ZBTB43: variants seen among roughly 807,000 people sequenced by gnomAD.
The protein encoded by ZBTB43 is zinc finger and BTB domain-containing protein 43.
A neutral mutation model predicts 31.1 loss-of-function variants in ZBTB43; 6 were observed. The observed-to-expected ratio is 0.19, with a 90% CI of 0.11 to 0.38. The LOEUF (loss-of-function observed/expected upper bound fraction) is 0.38, where lower values mean the gene tolerates loss of function less well. ZBTB43 is among the 10% of genes least tolerant of loss of function. The probability of loss-of-function intolerance (pLI) is 1.00; values close to 1 mark genes in which losing one functional copy is unlikely to be tolerated. For missense variants in ZBTB43, 379 were observed against 602.1 expected, an observed-to-expected ratio of 0.63 and a Z score of 3.88; for synonymous variants, 212 against 221.7, an observed-to-expected ratio of 0.96 and a Z score of 0.39.
intron 2 of ZBTB43, among the ~76,000 whole-genome samples, chr9:126,823,055 C>T (rs1054047103): frequency 3.3e-5 from 5 of 151,866 alleles, no homozygotes; most frequent in African/African-American, 9.7e-5. Flanking sequence ...TATTTTATTG[C>T]GGTGTTCTTG....
chr9:126,810,215 A>G (rs941014320), intron 2 of ZBTB43, among the ~76,000 whole-genome samples: 2 of 150,534 alleles, frequency 1.3e-5, no homozygotes, highest in Admixed American at 1.3e-4. Flanking sequence ...TGTTTTTGAG[A>G]TGGAGTCTCG....
At chr9:126,818,134 T>TC (rs1261208597) in intron 2 of ZBTB43, among the ~76,000 whole-genome samples, 1 of 148,728 alleles carries the variant, frequency 6.7e-6, no homozygotes, top group South Asian at 2.1e-4. Flanking sequence ...TTTTTTTTTT[T>TC]CCTTTTTGGA....
At chr9:126,804,390 T>C (rs1453153463), upstream of ZBTB43, among the ~76,000 whole-genome samples, 1 of 152,192 alleles carries the variant, frequency 6.6e-6, no homozygotes, top group Non-Finnish European at 1.5e-5. Flanking sequence ...CAGAAACGGA[T>C]TTGGAGATAA....
At chr9:126,805,582 A>G (rs2032107470) in intron 1 of ZBTB43, among the ~76,000 whole-genome samples, 1 of 152,232 alleles carries the variant, frequency 6.6e-6, no homozygotes, top group Non-Finnish European at 1.5e-5. Context: ...TAAAACATTC[A>G]GCATCCCCTG....
intron 2 of ZBTB43, among the ~76,000 whole-genome samples, chr9:126,810,750 G>A (rs935287392): frequency 1.1e-4 from 17 of 151,060 alleles, no homozygotes; most frequent in Non-Finnish European, 2.4e-4. Context: ...TGATCCGCCC[G>A]CCTCGGCCTC....
At chr9:126,810,422 G>C (rs2032219232) in intron 2 of ZBTB43, among the ~76,000 whole-genome samples, 1 of 149,360 alleles carries the variant, frequency 6.7e-6, no homozygotes, top group African/African-American at 2.5e-5. Flanking sequence ...TCAAACTCCT[G>C]ACCACAGGTG....
rs140352425 is a variant in ZBTB43 at position 126,813,372 on chromosome 9, A to C, written c.-24+4457A>C. The stretch of plus-strand genomic sequence containing the variant: ...CTTTCTCCTGCTTTAGTCCGTCAGC[A>C]GATCAACCTTCCTTAACCATGCCTC... On this transcript the variant is annotated intron_variant, in intron 2 of 2. Transcript: ENST00000373464. Among the ~76,000 whole-genome samples, 795 of 152,320 alleles carry C rather than the reference A, an allele frequency of 5.2e-3. 9 individuals carry two copies. Among genetic ancestry groups the C allele is most frequent in the African/African-American group, 0.018 (752 of 41,576 alleles).
At chr9:126,811,229 AAAAAAG>A (rs1564199442) in intron 2 of ZBTB43, among the ~76,000 whole-genome samples, 1 of 150,194 alleles carries the variant, frequency 6.7e-6, no homozygotes, top group Non-Finnish European at 1.5e-5. Context: ...AAAAAAAAAA[AAAAAAG>A]AAGAAAAAAT....
At chr9:126,810,791 C>T (rs2032231934) in intron 2 of ZBTB43, among the ~76,000 whole-genome samples, 1 of 151,726 alleles carries the variant, frequency 6.6e-6, no homozygotes, top group Non-Finnish European at 1.5e-5. Flanking sequence ...GAGTGAGCCA[C>T]CATGCCTGGC....
chr9:126,832,426 AG>A, intron 2 of ZBTB43, 60 bp from the exon 3 acceptor site: 1 of 1,443,274 alleles, frequency 6.9e-7, no homozygotes, highest in South Asian at 1.4e-5. Flanking sequence ...ACAATGGAGG[AG>A]GGGATAAAAT....
intron 2 of ZBTB43, among the ~76,000 whole-genome samples, chr9:126,827,819 C>A (rs1010728828): frequency 4.6e-5 from 7 of 151,776 alleles, no homozygotes; most frequent in Non-Finnish European, 1.0e-4. Flanking sequence ...ATCAGCCTGA[C>A]CAACATGGTG....
At chr9:126,832,459 T>A (rs2032784357) in intron 2 of ZBTB43, 28 bp from the exon 3 acceptor site, 1 of 1,546,272 alleles carries the variant, frequency 6.5e-7, no homozygotes, top group Non-Finnish European at 8.7e-7. Context: ...TGGGCTGGAA[T>A]TTGTACTAAT....
chr9:126,822,817 C>G (rs1328888429), intron 2 of ZBTB43, among the ~76,000 whole-genome samples: 2 of 152,212 alleles, frequency 1.3e-5, no homozygotes, highest in Non-Finnish European at 2.9e-5. Flanking sequence ...AGTCAGCAGC[C>G]ATCCACTCAA....
intron 2 of ZBTB43, among the ~76,000 whole-genome samples, chr9:126,810,591 C>T (rs2032225390): frequency 6.7e-6 from 1 of 149,170 alleles, no homozygotes; most frequent in Non-Finnish European, 1.5e-5. Context: ...ACCTCTGCCT[C>T]CCGGGTTCAA....
At chr9:126,824,962 T>C (rs575876326) in intron 2 of ZBTB43, among the ~76,000 whole-genome samples, 89 of 152,334 alleles carry the variant, frequency 5.8e-4, no homozygotes, top group African/African-American at 2.0e-3. Context: ...TGGTTGTTTT[T>C]GAGACAGGGT....
intron 2 of ZBTB43, among the ~76,000 whole-genome samples, chr9:126,826,400 A>G (rs1184586073): frequency 1.5e-5 from 2 of 136,374 alleles, no homozygotes; most frequent in African/African-American, 2.7e-5. Context: ...ACCCACCTTG[A>G]CCTTCCAAAG....
At chr9:126,807,621 CTTGTTT>C (rs905815548) in intron 1 of ZBTB43, among the ~76,000 whole-genome samples, 24 of 151,550 alleles carry the variant, frequency 1.6e-4, no homozygotes, top group African/African-American at 4.1e-4. Flanking sequence ...CTTTTTTTTT[CTTGTTT>C]TTGTTTTTGT....
At chr9:126,817,777 C>T (rs1325386522) in intron 2 of ZBTB43, among the ~76,000 whole-genome samples, 1 of 152,148 alleles carries the variant, frequency 6.6e-6, no homozygotes. Context: ...CGCCTGGCCC[C>T]ATGAGGTTTT....
chr9:126,836,315 A>C lies in ZBTB43; in HGVS notation c.*2402A>C, dbSNP rs1174966736. 1.8e-5 allele frequency: 3 copies of C among 167,080 alleles called. No homozygotes were observed. The highest frequency in any genetic ancestry group is 4.4e-5 in the Non-Finnish European group (3 of 68,118). 10.3% of individuals were successfully genotyped at this position (167,080 alleles called of 1,614,324 possible). On this transcript the variant is annotated 3_prime_UTR_variant, in exon 3 of 3. Transcript: ENST00000373464. ...TTATTTAATATGTTGTGAAGAGAAG[A>C]GTGTCTTCTTGAAAGCCTTATGTGT...
Sources: gnomAD v4.1 joint callset for allele counts (sites outside exome capture counted in the v4.1 genomes callset) on GRCh38, gnomAD v4.1.1 for gene constraint, MANE v1.5 for transcripts, NCBI Gene and HGNC (gene_info 2026-07-23, HGNC 2026-07-21) for gene names.